BCAS3: variants seen among roughly 807,000 people sequenced by gnomAD.
The protein encoded by BCAS3 is BCAS3 microtubule associated cell migration factor.
BCAS3 carries 53 observed loss-of-function variants against 116.1 expected under a neutral mutation model. That is an observed-to-expected ratio of 0.46 (90% CI 0.37 to 0.57). The LOEUF is 0.57. Ranked by LOEUF, BCAS3 falls within the 20% of genes least tolerant of loss-of-function variation. The pLI is 0.00. For missense variants in BCAS3, 917 were observed against 1,165.4 expected (o/e 0.79, Z 3.10); for synonymous variants, 391 against 408.2 (o/e 0.96, Z 0.51).
At chr17:61,273,705 G>A (rs1182476301) in intron 22 of BCAS3, among the ~76,000 whole-genome samples, 1 of 147,270 alleles carries the variant, frequency 6.8e-6, no homozygotes, top group Non-Finnish European at 1.5e-5. Context: ...CACTAATATT[G>A]TCGCATGGGT....
At chr17:60,874,630 T>A in intron 8 of BCAS3, 32 bp from the exon 9 acceptor site, 1 of 1,504,642 alleles carries the variant, frequency 6.6e-7, no homozygotes, top group East Asian at 2.3e-5. Context: ...TCACTTTTTT[T>A]CTTTCTGTTT....
chr17:60,834,198 A>G (rs2051179504), intron 7 of BCAS3, among the ~76,000 whole-genome samples: 1 of 152,058 alleles, frequency 6.6e-6, no homozygotes, highest in African/African-American at 2.4e-5. Context: ...GTACTTCAAT[A>G]ATATGTCAGA....
chr17:61,240,289 C>T (rs1490350817), intron 22 of BCAS3, among the ~76,000 whole-genome samples: 2 of 152,184 alleles, frequency 1.3e-5, no homozygotes, highest in Non-Finnish European at 2.9e-5. Flanking sequence ...GTGGTAGGGA[C>T]AGGCTTTGAA....
At chr17:60,966,220 A>G (rs750909463) in intron 14 of BCAS3, among the ~76,000 whole-genome samples, 69 of 152,044 alleles carry the variant, frequency 4.5e-4, no homozygotes, top group Middle Eastern at 3.2e-3. Context: ...GTGTGTCTTT[A>G]TAGGTGAAGT....
chr17:61,310,568 A>AT (rs2054221433), intron 22 of BCAS3, among the ~76,000 whole-genome samples: 1 of 147,900 alleles, frequency 6.8e-6, no homozygotes, highest in Non-Finnish European at 1.5e-5. Context: ...AAAAAAAAAA[A>AT]AGAAAGAAAG....
chr17:60,855,749 A>G (rs1389208451), intron 7 of BCAS3, among the ~76,000 whole-genome samples: 1 of 152,010 alleles, frequency 6.6e-6, no homozygotes, highest in Non-Finnish European at 1.5e-5. Context: ...CAGTGGCACA[A>G]TCACTGCCCA....
chr17:61,117,929 A>G (rs2075572826), intron 22 of BCAS3, among the ~76,000 whole-genome samples: 1 of 152,200 alleles, frequency 6.6e-6, no homozygotes, highest in Non-Finnish European at 1.5e-5. Flanking sequence ...TAGCATGTTC[A>G]TAATTACTCA....
At chr17:61,175,090 G>A (rs1040234080) in intron 22 of BCAS3, among the ~76,000 whole-genome samples, 9 of 152,176 alleles carry the variant, frequency 5.9e-5, no homozygotes, top group African/African-American at 1.9e-4. Context: ...TGCATCCTGA[G>A]GTCTCAGTGT....
chr17:60,678,103 G>T (rs1278012423), intron 1 of BCAS3, among the ~76,000 whole-genome samples, 189 bp downstream of exon 1: 1 of 152,226 alleles, frequency 6.6e-6, no homozygotes, highest in African/African-American at 2.4e-5. Flanking sequence ...TGGAGGTTAA[G>T]TGGGCAGCGC....
At chr17:61,190,737 G>A (rs937740070) in intron 22 of BCAS3, among the ~76,000 whole-genome samples, 4 of 151,810 alleles carry the variant, frequency 2.6e-5, no homozygotes, top group Admixed American at 6.6e-5. Context: ...CCAAGTAGCT[G>A]GGATTATAGG....
chr17:61,362,229 A>T lies in BCAS3; in HGVS notation c.2426-6098A>T, dbSNP rs2058486899. Among the ~76,000 whole-genome samples the T allele has an allele frequency of 6.6e-6, 1 of 152,210 alleles. No individual in the cohort carries two copies. The highest frequency in any genetic ancestry group is 1.5e-5 in the Non-Finnish European group (1 of 68,022). On this transcript the variant is annotated intron_variant, in intron 22 of 23. Coordinates refer to ENST00000407086, the MANE Select transcript of BCAS3 (RefSeq NM_017679.5). This position sits in a 1 kb window ranked among gnomAD's most constrained non-coding sequence, Gnocchi z 4.4. ...AAGCTTGCCAAGGAGGCTCCCCTCT[A>T]CACTGGTTCCCCTCATCATGCCTGG...
In BCAS3 at chr17:61,377,706, C is replaced by T. The variant is rs945263662; in HGVS notation, c.2593+9212C>T. On this transcript the variant is annotated intron_variant, in intron 23 of 23. Coordinates refer to ENST00000407086, the MANE Select transcript of BCAS3 (RefSeq NM_017679.5). This position sits in a 1 kb window ranked among gnomAD's most constrained non-coding sequence, Gnocchi z 4.6. ...GAGCACTCGGTCTCTCTCTTTTACT[C>T]CTCTCCACGATAGCAGTGGCCACAC... The T allele has an allele frequency of 6.6e-6, 1 of 152,196 alleles. No homozygotes were observed. Among genetic ancestry groups the T allele is most frequent in the East Asian group, 1.9e-4 (1 of 5,178 alleles). The allele number at this position is 152,196 out of a possible 1,614,324, so 9.4% of individuals were successfully genotyped here. A position where few individuals can be genotyped will look rare whatever the true frequency, so the allele number is the denominator to read the frequency against.
At chr17:60,988,777 CTCTT>C (rs2063340753) in intron 14 of BCAS3, among the ~76,000 whole-genome samples, 1 of 151,752 alleles carries the variant, frequency 6.6e-6, no homozygotes, top group Admixed American at 6.6e-5. Context: ...TGAGTCTTCT[CTCTT>C]TTTTTCTTAG....
In BCAS3 at chr17:61,387,989, T is replaced by C. The variant is rs1303829654; in HGVS notation, c.2594-3988T>C. Among the ~76,000 whole-genome samples the C allele has an allele frequency of 1.3e-5, 2 of 152,120 alleles. 1 individual carries two copies. The highest frequency in any genetic ancestry group is 3.9e-4 in the East Asian group (2 of 5,186). On this transcript the variant is annotated intron_variant, in intron 23 of 23. Coordinates refer to ENST00000407086, the MANE Select transcript of BCAS3 (RefSeq NM_017679.5). The surrounding 1 kb of genome is among the most constrained non-coding windows in gnomAD (Gnocchi z 6.2). ...GGAGAACAAGCTCTTTTAAAGCTTCTCCCACTGACCAGAATCTCCACACCT... is the reference window on the plus strand; with the variant it reads ...GGAGAACAAGCTCTTTTAAAGCTTCCCCCACTGACCAGAATCTCCACACCT...
chr17:61,347,083 A>AT lies in BCAS3; in HGVS notation c.2426-21235dup, dbSNP rs958585622. Among the ~76,000 whole-genome samples, 1 of 151,692 alleles carries AT rather than the reference A, an allele frequency of 6.6e-6. No homozygotes were observed. Among genetic ancestry groups the AT allele is most frequent in the African/African-American group, 2.4e-5 (1 of 41,300 alleles). On this transcript the variant is annotated intron_variant, in intron 22 of 23. Coordinates refer to ENST00000407086, the MANE Select transcript of BCAS3 (RefSeq NM_017679.5). The surrounding 1 kb of genome is among the most constrained non-coding windows in gnomAD (Gnocchi z 4.3). ...AAATATTGGATTTTTGTTTTAACAAATTTTTTTTTAAGGCAGAGTCTTGCT... is the reference window on the plus strand; with the variant it reads ...AAATATTGGATTTTTGTTTTAACAAATTTTTTTTTTAAGGCAGAGTCTTGCT...
chr17:60,884,731 A>T (rs185103914), intron 9 of BCAS3, among the ~76,000 whole-genome samples: 24,539 of 142,426 alleles, frequency 0.17, 2,559 homozygotes, highest in African/African-American at 0.31. Flanking sequence ...TAGGTTGTTC[A>T]GTTTCCATGT....
chr17:60,691,083 C>G lies in BCAS3; in HGVS notation c.214+1322C>G, dbSNP rs1430952337. On this transcript the variant is annotated intron_variant, in intron 4 of 23. Coordinates refer to ENST00000407086, the MANE Select transcript of BCAS3 (RefSeq NM_017679.5). ...GAGTAGCTGGGATTACAGGTGCTCG[C>G]CATCACGCCCAGCTAATTTTTGTAT... 1.1e-4 allele frequency among the ~76,000 whole-genome samples: 16 copies of G among 151,954 alleles called. 1 individual carries two copies. Among genetic ancestry groups the G allele is most frequent in the Non-Finnish European group, 1.6e-4 (11 of 67,982 alleles).
intron 22 of BCAS3, among the ~76,000 whole-genome samples, chr17:61,146,029 C>T (rs1405738517): frequency 1.3e-5 from 2 of 151,930 alleles, no homozygotes; most frequent in African/African-American, 4.8e-5. Flanking sequence ...TTCTGCTTTG[C>T]TGGGGAGGAC....
intron 7 of BCAS3, among the ~76,000 whole-genome samples, chr17:60,826,296 G>T (rs2050417087): frequency 6.6e-6 from 1 of 152,086 alleles, no homozygotes; most frequent in Non-Finnish European, 1.5e-5. Context: ...CAATTCTCAA[G>T]CCTCAGCCTC....
Sources: allele counts gnomAD v4.1 joint callset (sites outside exome capture counted in the v4.1 genomes callset), GRCh38; gene constraint gnomAD v4.1.1; non-coding constraint Gnocchi (gnomAD v3.1); transcripts MANE v1.5; gene names NCBI Gene and HGNC (gene_info 2026-07-23, HGNC 2026-07-21).